Variants in GOLGA6B observed in about 807,000 individuals in gnomAD.
GOLGA6B encodes golgin subfamily A member 6B.
GOLGA6B carries 11 observed loss-of-function variants against 63.0 expected under a neutral mutation model. That is an observed-to-expected ratio of 0.17 (90% CI 0.11 to 0.29). The LOEUF (loss-of-function observed/expected upper bound fraction) is 0.29, where lower values mean the gene tolerates loss of function less well. Among genes scored for constraint, GOLGA6B ranks in the 10% least tolerant of loss-of-function variants. The pLI, the probability that GOLGA6B is intolerant of heterozygous loss-of-function variation, is 1.00. For synonymous variants in GOLGA6B, 46 were observed against 232.6 expected (o/e 0.20, Z 7.30); for missense variants, 134 against 563.8 (o/e 0.24, Z 7.72).
Position 72,664,441 on chromosome 15 carries a change from C to A in GOLGA6B, c.1431C>A (p.His477Gln), listed in dbSNP as rs757252607. 4 of 1,323,874 alleles carry A rather than the reference C, an allele frequency of 3.0e-6. 1 individual carries two copies. Among genetic ancestry groups the A allele is most frequent in the Non-Finnish European group, 4.2e-6 (4 of 963,670 alleles). The allele number at this position is 1,323,874 out of a possible 1,614,324, so 82.0% of individuals were successfully genotyped here. The part of the protein sequence containing the change: ...KELQEKLDEE[H>Q]LEAASQQNQQ... ...TCTGTTTCCCGTCCCCTTAGGAGCA[C>A]CTAGAAGCTGCCAGCCAGCAGAACC... The change falls in exon 13 of 18, where the codon CAC becomes CAA. Residue 477 changes from histidine to glutamine, a missense_variant. Transcript: ENST00000421285.
intron 12 of GOLGA6B, among the ~76,000 whole-genome samples, chr15:72,663,614 G>T (rs2064614458): frequency 7.8e-6 from 1 of 128,654 alleles, no homozygotes; most frequent in Admixed American, 7.8e-5. Flanking sequence ...CGTGGTGGAG[G>T]TTGCAGTGAG....
chr15:72,666,263 CG>C lies in GOLGA6B; in HGVS notation c.2005del (p.Ala669ProfsTer49). ...AACAACGTGGAGCCTGCACCAGGAGCGGCCAGGGAGGGTTCTCCCCATGACA... is the reference window on the plus strand; with the variant it reads ...AACAACGTGGAGCCTGCACCAGGAGCGCCAGGGAGGGTTCTCCCCATGACA... ...LDNNVEPAPGAAREGSPHDNP... is the reference protein window; with the variant it reads ...LDNNVEPAPGXAREGSPHDNP... On this transcript the variant is annotated frameshift_variant, in exon 18 of 18. Transcript: ENST00000421285. LOFTEE classifies it low-confidence loss of function (END_TRUNC). 6.2e-7 allele frequency: 1 copy of C among 1,602,070 alleles called. No individual in the cohort carries two copies. The highest frequency in any genetic ancestry group is 8.5e-7 in the Non-Finnish European group (1 of 1,177,010).
In GOLGA6B at chr15:72,664,087, C is replaced by T. The variant is rs1163899113; in HGVS notation, c.1426-349C>T. 8.5e-5 allele frequency among the ~76,000 whole-genome samples: 11 copies of T among 130,084 alleles called. 1 individual carries two copies. The highest frequency in any genetic ancestry group is 6.9e-4 in the Admixed American group (9 of 13,130). 85.3% of individuals were successfully genotyped at this position (130,084 alleles called of 152,430 possible). A position where few individuals can be genotyped will look rare whatever the true frequency, so the allele number is the denominator to read the frequency against. ...TATTAATGGGCCCAGAATCTGGAAG[C>T]CAGCCACCATGTGCCCTCATGCCCA... On this transcript the variant is annotated intron_variant, in intron 12 of 17. Transcript: ENST00000421285.
chr15:72,663,957 G>A (rs1489178409), intron 12 of GOLGA6B, among the ~76,000 whole-genome samples: 1 of 130,344 alleles, frequency 7.7e-6, no homozygotes, highest in Non-Finnish European at 1.7e-5. Context: ...TTGAGGCTGG[G>A]GAAGGAGGTA....
Position 72,664,529 on chromosome 15 carries a change from G to A in GOLGA6B, c.1501+18G>A, listed in dbSNP as rs1235572580. The stretch of plus-strand genomic sequence containing the variant: ...GGGAGAAGGTACAGGAGACCACTCA[G>A]AGGAAGAGGAGAGAGCCCCAGGAGG... On this transcript the variant is annotated intron_variant, in intron 13 of 17. Coordinates refer to ENST00000421285, the MANE Select transcript of GOLGA6B (RefSeq NM_018652.5). 3.0e-6 allele frequency: 4 copies of A among 1,332,480 alleles called. 1 individual carries two copies. The East Asian group carries it at 1.0e-4, about 35-fold the overall frequency. The allele number at this position is 1,332,480 out of a possible 1,614,324, so 82.5% of individuals were successfully genotyped here. A position where few individuals can be genotyped will look rare whatever the true frequency, so the allele number is the denominator to read the frequency against.
At position 72,664,339 on chromosome 15, in the gene GOLGA6B, G is replaced by T; in HGVS notation, c.1426-97G>T. 3.2e-6 allele frequency: 4 copies of T among 1,242,318 alleles called. 1 individual carries two copies. Among genetic ancestry groups the T allele is most frequent in the Non-Finnish European group, 4.4e-6 (4 of 902,302 alleles). The allele number at this position is 1,242,318 out of a possible 1,614,324, so 77.0% of individuals were successfully genotyped here. ...TGGCTGAGATGGCCGGCCAAAAGTT[G>T]CAGGAGACCCAGGGGAGGCAGTTGC... On this transcript the variant is annotated intron_variant, in intron 12 of 17. Transcript: ENST00000421285.
At position 72,669,281 on chromosome 15, in the gene GOLGA6B, TAAAG is replaced by T. The variant is rs1395136108; in HGVS notation, c.*2941_*2944del. Among the ~76,000 whole-genome samples the T allele has an allele frequency of 6.6e-6, 1 of 152,246 alleles. No individual in the cohort carries two copies. Among genetic ancestry groups the T allele is most frequent in the African/African-American group, 2.4e-5 (1 of 41,466 alleles). On this transcript the variant is annotated 3_prime_UTR_variant, in exon 18 of 18. Transcript: ENST00000421285. ...ATATAGTTTCTCTAAAACTTTATCTTAAAGAGTCATTTTAAAAGAATATAACTAT... is the reference window on the plus strand; with the variant it reads ...ATATAGTTTCTCTAAAACTTTATCTTAGTCATTTTAAAAGAATATAACTAT...
chr15:72,660,388 G>A (rs376933029), intron 7 of GOLGA6B, among the ~76,000 whole-genome samples, 159 bp downstream of exon 7: 1,349 of 21,744 alleles, frequency 0.062, 8 homozygotes, highest in African/African-American at 0.099. Context: ...GCCTGGGGCT[G>A]AGTCAGCTGC....
chr15:72,661,090 CTA>C (rs2064593862), intron 7 of GOLGA6B, among the ~76,000 whole-genome samples, 172 bp from the exon 8 acceptor site: 1 of 150,008 alleles, frequency 6.7e-6, no homozygotes, highest in East Asian at 2.0e-4. Context: ...GCTGTAAATT[CTA>C]TCTCTTTCCC....
intron 7 of GOLGA6B, among the ~76,000 whole-genome samples, chr15:72,660,818 T>C (rs2064592341): frequency 2.2e-5 from 2 of 91,478 alleles, no homozygotes; most frequent in Non-Finnish European, 4.4e-5. Context: ...AAAATGGGCT[T>C]AGAGAATAGG....
rs1198984035 is a variant in GOLGA6B, at chr15:72,664,335, A to T, written c.1426-101A>T. The T allele has an allele frequency of 4.8e-6, 6 of 1,237,334 alleles. No homozygotes were observed. The East Asian group carries it at 1.6e-4, about 33-fold the overall frequency. The allele number at this position is 1,237,334 out of a possible 1,614,324, so 76.6% of individuals were successfully genotyped here. A position where few individuals can be genotyped will look rare whatever the true frequency, so the allele number is the denominator to read the frequency against. ...GCGGTGGCTGAGATGGCCGGCCAAA[A>T]GTTGCAGGAGACCCAGGGGAGGCAG... On this transcript the variant is annotated intron_variant, in intron 12 of 17. Coordinates refer to ENST00000421285, the MANE Select transcript of GOLGA6B (RefSeq NM_018652.5).
intron 12 of GOLGA6B, among the ~76,000 whole-genome samples, chr15:72,664,125 A>G (rs1353011029): frequency 7.7e-6 from 1 of 130,252 alleles, no homozygotes; most frequent in Non-Finnish European, 1.7e-5. Context: ...GTCTTCCTGC[A>G]GGTGGAGCTG....
chr15:72,664,960 T>C lies in GOLGA6B; in HGVS notation c.1518T>C (p.His506=). Residue 506 remains histidine, a synonymous_variant, in exon 14 of 18, where the codon CAT becomes CAC. Coordinates refer to ENST00000421285, the MANE Select transcript of GOLGA6B (RefSeq NM_018652.5). ...TCCCTACAGGAGATGGAGGACAACA[T>C]CTGGACAGTGAGGAGGAGGAGGCGC... ...ALPGEGDGGQ[H]LDSEEEEAPR... 2.3e-6 allele frequency: 2 copies of C among 887,930 alleles called. No individual in the cohort carries two copies. The highest frequency in any genetic ancestry group is 1.4e-5 in the South Asian group (1 of 70,084). 55.0% of individuals were successfully genotyped at this position (887,930 alleles called of 1,614,324 possible). A position where few individuals can be genotyped will look rare whatever the true frequency, so the allele number is the denominator to read the frequency against.
rs28451625 is a variant in GOLGA6B, at chr15:72,669,573, T to G, written c.*3231T>G. On this transcript the variant is annotated 3_prime_UTR_variant, in exon 18 of 18. Coordinates refer to ENST00000421285, the MANE Select transcript of GOLGA6B (RefSeq NM_018652.5). ...GACTGCTACTGTGATGCTACTGTAA[T>G]GTAATAAATTATTAAATGGTTGCAA... Among the ~76,000 whole-genome samples the G allele has an allele frequency of 7.5e-3, 1,139 of 152,336 alleles. 10 individuals carry two copies. The highest frequency in any genetic ancestry group is 0.026 in the African/African-American group (1,086 of 41,558).
intron 2 of GOLGA6B, among the ~76,000 whole-genome samples, chr15:72,657,296 C>T (rs1174224562): frequency 5.2e-5 from 6 of 114,894 alleles, no homozygotes; most frequent in Admixed American, 3.8e-4. Context: ...CCAGATTCAT[C>T]GCCCATGTCC....
intron 12 of GOLGA6B, among the ~76,000 whole-genome samples, chr15:72,664,113 G>C (rs1320317513): frequency 1.5e-5 from 2 of 130,214 alleles, no homozygotes; most frequent in Non-Finnish European, 3.5e-5. Flanking sequence ...CTCATGCCCA[G>C]GGTCTTCCTG....
At position 72,662,381 on chromosome 15, in the gene GOLGA6B, A is replaced by G; in HGVS notation, c.977A>G (p.Gln326Arg). Reference protein sequence around the residue: ...GKLQSQVENNQALSLLSKEQK... With the variant: ...GKLQSQVENNRALSLLSKEQK... ...CTCCAATCCCAGGTGGAAAACAATC[A>G]GGCCTTGAGTCTCCTTAGCAAGGAA... The change falls in exon 11 of 18, where the codon CAG (glutamine) becomes CGG (arginine). Residue 326 changes from glutamine (Q) to arginine (R), a missense_variant. Physicochemically the swap from Gln to Arg is conservative, Grantham distance 43 (BLOSUM62 1). Transcript: ENST00000421285. The G allele has an allele frequency of 1.4e-6, 2 of 1,392,274 alleles. No individual in the cohort carries two copies. Among genetic ancestry groups the G allele is most frequent in the Non-Finnish European group, 1.9e-6 (2 of 1,026,160 alleles). 86.2% of individuals were successfully genotyped at this position (1,392,274 alleles called of 1,614,324 possible).
rs2064620215 is a variant in GOLGA6B at position 72,664,361 on chromosome 15, T to C, written c.1426-75T>C. ...GTTGCAGGAGACCCAGGGGAGGCAGTTGCTGAGGACGGGGCCCCGAGGGGG... is the reference window on the plus strand; with the variant it reads ...GTTGCAGGAGACCCAGGGGAGGCAGCTGCTGAGGACGGGGCCCCGAGGGGG... On this transcript the variant is annotated intron_variant, in intron 12 of 17. Coordinates refer to ENST00000421285, the MANE Select transcript of GOLGA6B (RefSeq NM_018652.5). 1.6e-6 allele frequency: 2 copies of C among 1,281,258 alleles called. 1 individual carries two copies. The highest frequency in any genetic ancestry group is 3.0e-5 in the South Asian group (2 of 67,640). The allele number at this position is 1,281,258 out of a possible 1,614,324, so 79.4% of individuals were successfully genotyped here. A position where few individuals can be genotyped will look rare whatever the true frequency, so the allele number is the denominator to read the frequency against.
Position 72,663,872 on chromosome 15 carries a change from ATGG to A in GOLGA6B, c.1426-559_1426-557del, listed in dbSNP as rs1453917417. 1.5e-5 allele frequency among the ~76,000 whole-genome samples: 2 copies of A among 129,138 alleles called. 1 individual carries two copies. The highest frequency in any genetic ancestry group is 3.5e-5 in the Non-Finnish European group (2 of 57,368). 84.7% of individuals were successfully genotyped at this position (129,138 alleles called of 152,430 possible). A position where few individuals can be genotyped will look rare whatever the true frequency, so the allele number is the denominator to read the frequency against. On this transcript the variant is annotated intron_variant, in intron 12 of 17. Coordinates refer to ENST00000421285, the MANE Select transcript of GOLGA6B (RefSeq NM_018652.5). ...ATTAGGCATGTAGCACACTTAGCAG[ATGG>A]TGGTTGGCTCCCTCTGCTTTTCCGC...
Sources: gnomAD v4.1 joint callset for allele counts (sites outside exome capture counted in the v4.1 genomes callset) on GRCh38, gnomAD v4.1.1 for gene constraint, MANE v1.5 for transcripts, NCBI Gene and HGNC (gene_info 2026-07-23, HGNC 2026-07-21) for gene names.